The following DEFB124 variants were observed in gnomAD, a reference collection of about 807,000 sequenced individuals.
The protein encoded by DEFB124 is defensin beta 124, also known as beta-defensin 124.
For synonymous variants in DEFB124, 38 were observed against 36.5 expected, an observed-to-expected ratio of 1.04 and a Z score of -0.15; for missense variants, 78 against 83.1, an observed-to-expected ratio of 0.94 and a Z score of 0.24.
chr20:31,471,044 G>A (rs1284695107), intron 2 of DEFB124, among the ~76,000 whole-genome samples: 1 of 137,726 alleles, frequency 7.3e-6, no homozygotes, highest in African/African-American at 2.7e-5. Context: ...GCGGCTGGCC[G>A]GGCGGGGGGC....
At chr20:31,474,389 G>C (rs1816013561) in intron 1 of DEFB124, among the ~76,000 whole-genome samples, 1 of 152,232 alleles carries the variant, frequency 6.6e-6, no homozygotes, top group Admixed American at 6.5e-5. Flanking sequence ...TCCAAGACCT[G>C]TGGGGGCTGA....
chr20:31,465,767 G>A (rs904485658), intron 2 of DEFB124, 104 bp from the exon 3 acceptor site: 2 of 1,368,742 alleles, frequency 1.5e-6, no homozygotes, highest in African/African-American at 1.4e-5. Context: ...TCACAAGTTA[G>A]CTCTCTGGTC....
At chr20:31,471,385 A>C in intron 2 of DEFB124, among the ~76,000 whole-genome samples, 1 of 80,024 alleles carries the variant, frequency 1.2e-5, no homozygotes, top group Non-Finnish European at 2.4e-5. Context: ...TCCCTCCCGG[A>C]CGGGGCGGCT....
At chr20:31,471,619 G>A (rs1980312874) in intron 2 of DEFB124, among the ~76,000 whole-genome samples, 3 of 146,652 alleles carry the variant, frequency 2.0e-5, no homozygotes, top group South Asian at 2.2e-4. Context: ...GGTGGCTGCC[G>A]GGCAGAGGGG....
chr20:31,465,575 C>T lies in DEFB124; in HGVS notation c.147G>A (p.Pro49=), dbSNP rs772212771. 11 of 1,614,038 alleles carry T rather than the reference C, an allele frequency of 6.8e-6. No homozygotes were observed. Among genetic ancestry groups the T allele is most frequent in the Admixed American group, 1.7e-5 (1 of 60,000 alleles). Residue 49 remains proline (P), a synonymous_variant, in exon 3 of 3, where the codon CCG becomes CCA. Transcript: ENST00000317676. The stretch of plus-strand genomic sequence containing the variant: ...AGGAGAGACAGCACAGGGACGCATC[C>T]GGGCACAGGTGCATGTAAGTTTCTT... ...TRQETYMHLC[P]DASLCCLSYA... is the part of the protein sequence containing the mutation.
intron 2 of DEFB124, among the ~76,000 whole-genome samples, chr20:31,470,398 C>T (rs1480564067): frequency 4.4e-5 from 6 of 135,662 alleles, no homozygotes; most frequent in Non-Finnish European, 6.5e-5. Flanking sequence ...CCCCACCTCC[C>T]TCCCGGACGG....
At chr20:31,473,225 C>G (rs1465249963) in intron 1 of DEFB124, among the ~76,000 whole-genome samples, 187 bp from the exon 2 acceptor site, 1 of 152,134 alleles carries the variant, frequency 6.6e-6, no homozygotes, top group South Asian at 2.1e-4. Context: ...CCACACCCTC[C>G]GGAGCCTGTT....
At chr20:31,473,909 G>A (rs6057912) in intron 1 of DEFB124, among the ~76,000 whole-genome samples, 30,616 of 152,148 alleles carry the variant, frequency 0.2, 4,201 homozygotes, top group African/African-American at 0.38. Flanking sequence ...GATAATATCC[G>A]TGCAGAGCTT....
rs1980059920 is a variant in DEFB124 at position 31,465,537 on chromosome 20, G to A, written c.185C>T (p.Pro62Leu). 2 of 1,614,200 alleles carry A rather than the reference G, an allele frequency of 1.2e-6. No individual in the cohort carries two copies. Among genetic ancestry groups the A allele is most frequent in the Non-Finnish European group, 1.7e-6 (2 of 1,180,040 alleles). ...ATATTCATGCTTGGGGACCGGTGGA[G>A]GTTTCAATGCATAGGAGAGACAGCA... ...SLCCLSYALK[P>L]PPVPKHEYE The change falls in exon 3 of 3, where the codon CCT (proline) becomes CTT (leucine). Residue 62 changes from proline (P) to leucine (L), a missense_variant. Physicochemically the swap from Pro to Leu is moderately conservative, Grantham distance 98. Coordinates refer to ENST00000317676, the MANE Select transcript of DEFB124 (RefSeq NM_001037500.2).
chr20:31,474,366 G>A (rs1017211049), intron 1 of DEFB124, among the ~76,000 whole-genome samples: 1 of 152,212 alleles, frequency 6.6e-6, no homozygotes, highest in Admixed American at 6.5e-5. Flanking sequence ...GCACGAGGGG[G>A]TTCTGTATCA....
At chr20:31,468,561 C>G (rs560033859) in intron 2 of DEFB124, among the ~76,000 whole-genome samples, 2 of 151,744 alleles carry the variant, frequency 1.3e-5, no homozygotes, top group Non-Finnish European at 2.9e-5. Flanking sequence ...CTGCAACCTC[C>G]GCCTCCCGGG....
At chr20:31,470,655 G>A (rs1310335868) in intron 2 of DEFB124, among the ~76,000 whole-genome samples, 2 of 134,490 alleles carry the variant, frequency 1.5e-5, no homozygotes, top group African/African-American at 2.9e-5. Flanking sequence ...CGGGCGGGGG[G>A]CTGAACCCCC....
At chr20:31,472,892 T>A in intron 2 of DEFB124, 64 bp downstream of exon 2, 1 of 1,571,780 alleles carries the variant, frequency 6.4e-7, no homozygotes, top group African/African-American at 1.4e-5. Context: ...GAGAGTCTAG[T>A]CCTCATTTTT....
chr20:31,470,370 C>T (rs1980212988), intron 2 of DEFB124, among the ~76,000 whole-genome samples: 1 of 140,086 alleles, frequency 7.1e-6, no homozygotes, highest in Non-Finnish European at 1.6e-5. Context: ...GGTGGCTGGC[C>T]GGGCGGGGGG....
At chr20:31,473,246 G>T (rs905009957) in intron 1 of DEFB124, among the ~76,000 whole-genome samples, 1 of 152,154 alleles carries the variant, frequency 6.6e-6, no homozygotes, top group African/African-American at 2.4e-5. Flanking sequence ...GAGCTCGGAA[G>T]GGGAGGTAGA....
intron 2 of DEFB124, among the ~76,000 whole-genome samples, chr20:31,467,285 G>A (rs1980107830): frequency 6.6e-6 from 1 of 152,286 alleles, no homozygotes; most frequent in Non-Finnish European, 1.5e-5. Flanking sequence ...CAACCCTGCC[G>A]AGCAGTCCAC....
chr20:31,474,582 T>G (rs993247063), intron 1 of DEFB124, among the ~76,000 whole-genome samples, 45 bp downstream of exon 1: 2 of 152,080 alleles, frequency 1.3e-5, no homozygotes, highest in Non-Finnish European at 2.9e-5. Context: ...CCTGGCCCCT[T>G]GGATGGCCGA....
chr20:31,466,629 T>TATA (rs1471347820), intron 2 of DEFB124, among the ~76,000 whole-genome samples: 1 of 77,188 alleles, frequency 1.3e-5, no homozygotes, highest in African/African-American at 1.4e-4. Flanking sequence ...ATATAAAACC[T>TATA]TATCCGAGGT....
At chr20:31,474,597 A>T (rs1475005526) in intron 1 of DEFB124, among the ~76,000 whole-genome samples, 30 bp downstream of exon 1, 1 of 152,026 alleles carries the variant, frequency 6.6e-6, no homozygotes, top group African/African-American at 2.4e-5. Context: ...GGCCGACGTC[A>T]CCAGCAATCT....
Sources: gnomAD v4.1 joint callset for allele counts (sites outside exome capture counted in the v4.1 genomes callset) on GRCh38, gnomAD v4.1.1 for gene constraint, MANE v1.5 for transcripts, NCBI Gene and HGNC (gene_info 2026-07-23, HGNC 2026-07-21) for gene names.